Variants in GPHN observed in about 807,000 individuals in gnomAD.
The protein encoded by GPHN is gephyrin.
A neutral mutation model predicts 95.5 loss-of-function variants in GPHN; 17 were observed. The ratio of observed to expected loss-of-function variants is 0.18; its 90% CI spans 0.12 to 0.27. The LOEUF (loss-of-function observed/expected upper bound fraction) is 0.27. Among genes scored for constraint, GPHN ranks in the 10% least tolerant of loss-of-function variants. The pLI, the probability that GPHN is intolerant of heterozygous loss-of-function variation, is 1.00. For synonymous variants in GPHN, 320 were observed against 322.5 expected, an observed-to-expected ratio of 0.99 and a Z score of 0.08; for missense variants, 660 against 978.1, an observed-to-expected ratio of 0.67 and a Z score of 4.34.
At chr14:66,937,894 A>G (rs994603890) in intron 8 of GPHN, among the ~76,000 whole-genome samples, 3 of 152,152 alleles carry the variant, frequency 2.0e-5, no homozygotes, top group African/African-American at 7.2e-5. Context: ...CTTCACCATC[A>G]TCATCATTTT....
chr14:66,852,858 T>G (rs890278729), intron 4 of GPHN, among the ~76,000 whole-genome samples: 2 of 152,228 alleles, frequency 1.3e-5, no homozygotes, highest in Non-Finnish European at 2.9e-5. Flanking sequence ...AGCAAATATG[T>G]GATACTTTTT....
the GPHN span, among the ~76,000 whole-genome samples, chr14:67,239,372 T>C: frequency 6.6e-6 from 1 of 152,116 alleles, no homozygotes; most frequent in Admixed American, 6.6e-5. Flanking sequence ...GGGAGGGTGA[T>C]GCTACTGGCA....
chr14:67,485,972 C>T, the GPHN span, among the ~76,000 whole-genome samples: 2 of 152,232 alleles, frequency 1.3e-5, no homozygotes, highest in Non-Finnish European at 2.9e-5. Flanking sequence ...GCCTCCTAGA[C>T]CAGCAGCACA....
At chr14:67,260,262 G>C in the GPHN span, among the ~76,000 whole-genome samples, 2 of 152,166 alleles carry the variant, frequency 1.3e-5, no homozygotes, top group East Asian at 3.8e-4. Flanking sequence ...GCCTGATCTT[G>C]TCTGATCTTG....
At chr14:67,707,716 A>G in the GPHN span, among the ~76,000 whole-genome samples, 1,183 of 152,344 alleles carry the variant, frequency 7.8e-3, 15 homozygotes, top group African/African-American at 0.028. Flanking sequence ...AAAGAATCTC[A>G]GATAAGACTT....
the GPHN span, among the ~76,000 whole-genome samples, chr14:67,376,099 T>C: frequency 6.6e-6 from 1 of 152,204 alleles, no homozygotes; most frequent in African/African-American, 2.4e-5. Context: ...TAATAACAAC[T>C]TGTATTTGTA....
chr14:66,893,923 A>AAATGGCCATACTGCCCAAGGT (rs2064673868), intron 5 of GPHN, among the ~76,000 whole-genome samples: 2 of 152,228 alleles, frequency 1.3e-5, no homozygotes, highest in African/African-American at 4.8e-5. Flanking sequence ...AATATCGTGA[A>AAATGGCCATACTGCCCAAGGT]AATGGCCATA....
chr14:66,550,918 ACGATCTCGGCTCACTGCAAGCTCCACCTC>A (rs1209070782), intron 1 of GPHN: 1 of 153,242 alleles, frequency 6.5e-6, no homozygotes, highest in Non-Finnish European at 1.5e-5. Flanking sequence ...GTGCAGTGGC[ACGATCTCGGCTCACTGCAAGCTCCACCTC>A]CTGGGTTCAC....
At chr14:66,935,708 ATG>A (rs1361752399) in intron 8 of GPHN, among the ~76,000 whole-genome samples, 2 of 151,844 alleles carry the variant, frequency 1.3e-5, no homozygotes, top group African/African-American at 2.4e-5. Flanking sequence ...ATACGTATAC[ATG>A]TGTTTATGTG....
chr14:66,828,931 C>G (rs886806116), intron 4 of GPHN, among the ~76,000 whole-genome samples: 1 of 149,872 alleles, frequency 6.7e-6, no homozygotes, highest in Non-Finnish European at 1.5e-5. Context: ...TATGGTTCAT[C>G]TGATACTTGC....
the GPHN span, chr14:67,588,479 T>A: frequency 6.6e-6 from 1 of 152,192 alleles, no homozygotes; most frequent in East Asian, 1.9e-4. Context: ...AGCCTAAGAG[T>A]AGCAGGTAAA....
At chr14:67,458,262 G>C in the GPHN span, among the ~76,000 whole-genome samples, 2 of 152,162 alleles carry the variant, frequency 1.3e-5, no homozygotes, top group African/African-American at 2.4e-5. Flanking sequence ...GGTGGAGCTG[G>C]AGTGTGGGGT....
chr14:67,560,113 G>A, the GPHN span, among the ~76,000 whole-genome samples: 5 of 152,082 alleles, frequency 3.3e-5, no homozygotes, highest in African/African-American at 1.2e-4. Context: ...CGCAACCTCC[G>A]CCTCCCGGGT....
chr14:67,607,428 G>A, the GPHN span, among the ~76,000 whole-genome samples: 16 of 152,210 alleles, frequency 1.1e-4, 1 homozygote, highest in South Asian at 2.7e-3. Flanking sequence ...GTCCAGTGGC[G>A]CGATCTCGGC....
chr14:67,332,783 G>C, the GPHN span: 3 of 1,608,286 alleles, frequency 1.9e-6, no homozygotes, highest in South Asian at 1.1e-5. Flanking sequence ...TTTGCAGCCT[G>C]AAGAGTTGAG....
chr14:66,681,076 A>T (rs1161847697), intron 1 of GPHN, 31 bp from the exon 2 acceptor site: 18 of 1,308,276 alleles, frequency 1.4e-5, no homozygotes, highest in Non-Finnish European at 1.5e-5. Context: ...ACAAAAATTA[A>T]TTTTTTTTTC....
downstream of GPHN, among the ~76,000 whole-genome samples, chr14:67,183,156 C>A (rs1038785226): frequency 1.3e-5 from 2 of 152,054 alleles, no homozygotes; most frequent in Non-Finnish European, 2.9e-5. Flanking sequence ...AGAAGAACAA[C>A]AATTATAGGG....
Position 67,007,334 on chromosome 14 carries a change from T to A in GPHN, c.964-16299T>A, listed in dbSNP as rs2072672874. Among the ~76,000 whole-genome samples the A allele has an allele frequency of 2.6e-5, 4 of 152,330 alleles. No homozygotes were observed. The South Asian group carries it at 8.3e-4, about 32-fold the overall frequency. ...TAATTTATTAATGTAAATACAGTAA[T>A]TGAACCACACAACTGTCAGTTCCTC... On this transcript the variant is annotated intron_variant, in intron 9 of 22. Coordinates refer to ENST00000478722, the MANE Select transcript of GPHN (RefSeq NM_020806.5).
At position 66,909,090 on chromosome 14, in the gene GPHN, G is replaced by T. The variant is rs867455333; in HGVS notation, c.390-6913G>T. 3.7e-4 allele frequency among the ~76,000 whole-genome samples: 57 copies of T among 152,134 alleles called. 1 individual carries two copies. The highest frequency in any genetic ancestry group is 6.8e-3 in the Middle Eastern group (2 of 294). On this transcript the variant is annotated intron_variant, in intron 5 of 22. Coordinates refer to ENST00000478722, the MANE Select transcript of GPHN (RefSeq NM_020806.5). ...TATTGGCTCATTAATTGCCACAAAGGTTCCATAATAATACAAGATGTTAAA... is the reference window on the plus strand; with the variant it reads ...TATTGGCTCATTAATTGCCACAAAGTTTCCATAATAATACAAGATGTTAAA...
Sources: gnomAD v4.1 joint callset for allele counts (sites outside exome capture counted in the v4.1 genomes callset) on GRCh38, gnomAD v4.1.1 for gene constraint, MANE v1.5 for transcripts, NCBI Gene and HGNC (gene_info 2026-07-23, HGNC 2026-07-21) for gene names.